CAMTA1: variants seen among roughly 807,000 people sequenced by gnomAD.
The protein encoded by CAMTA1 is calmodulin binding transcription activator 1.
In CAMTA1, 27 loss-of-function variants were observed where a neutral mutation model predicts 170.9. That is an observed-to-expected ratio of 0.16 (90% CI 0.12 to 0.22). The LOEUF (loss-of-function observed/expected upper bound fraction) is 0.22. Ranked by LOEUF, CAMTA1 falls within the 10% of genes least tolerant of loss-of-function variation. The pLI, the probability that CAMTA1 is intolerant of heterozygous loss-of-function variation, is 1.00. For missense variants in CAMTA1, 1,619 were observed against 2,217.2 expected, an observed-to-expected ratio of 0.73 and a Z score of 5.42; for synonymous variants, 833 against 891.5, an observed-to-expected ratio of 0.93 and a Z score of 1.17.
intron 5 of CAMTA1, among the ~76,000 whole-genome samples, chr1:7,281,106 C>G (rs1038640360): frequency 6.6e-6 from 1 of 152,192 alleles, no homozygotes; most frequent in Non-Finnish European, 1.5e-5. Flanking sequence ...TTCACCCAAC[C>G]AGCCACTTTA....
intron 11 of CAMTA1, among the ~76,000 whole-genome samples, chr1:7,723,542 T>C (rs1293860205): frequency 6.6e-6 from 1 of 152,208 alleles, no homozygotes; most frequent in Admixed American, 6.5e-5. Flanking sequence ...CTCTTGTTGT[T>C]GGGACTGGAC....
intron 5 of CAMTA1, among the ~76,000 whole-genome samples, chr1:7,353,468 C>T (rs140825777): frequency 0.021 from 3,118 of 150,774 alleles, 105 homozygotes; most frequent in African/African-American, 0.071. Flanking sequence ...TCTTGTTGCC[C>T]AGGCTGGAGT....
chr1:7,172,912 C>G (rs1649958176), intron 4 of CAMTA1, among the ~76,000 whole-genome samples: 2 of 152,320 alleles, frequency 1.3e-5, no homozygotes, highest in South Asian at 4.1e-4. Context: ...TTGGGAGCAG[C>G]CAAGTGTTTA....
intron 4 of CAMTA1, among the ~76,000 whole-genome samples, chr1:7,246,606 G>A (rs559345046): frequency 3.4e-5 from 5 of 149,152 alleles, no homozygotes; most frequent in Admixed American, 1.3e-4. Context: ...CCTGTCATTC[G>A]TCCCAGAGCA....
chr1:7,181,465 A>G (rs1422671806), intron 4 of CAMTA1, among the ~76,000 whole-genome samples: 1 of 152,228 alleles, frequency 6.6e-6, no homozygotes, highest in African/African-American at 2.4e-5. Flanking sequence ...TGCACATGAT[A>G]TGATAGTATA....
At chr1:7,706,178 CTT>C (rs774086611) in intron 11 of CAMTA1, among the ~76,000 whole-genome samples, 1 of 152,226 alleles carries the variant, frequency 6.6e-6, no homozygotes, top group African/African-American at 2.4e-5. Context: ...ATTTTGCCCA[CTT>C]TTACTTGATA....
chr1:6,819,776 C>T (rs189874390), intron 1 of CAMTA1, among the ~76,000 whole-genome samples: 1 of 152,118 alleles, frequency 6.6e-6, no homozygotes, highest in Non-Finnish European at 1.5e-5. Context: ...CATGTACTTC[C>T]TACAAACAAG....
chr1:7,454,258 C>G (rs924398855), intron 5 of CAMTA1, among the ~76,000 whole-genome samples: 4 of 152,072 alleles, frequency 2.6e-5, no homozygotes, highest in Non-Finnish European at 4.4e-5. Context: ...CACTAGGTGG[C>G]CGCCTGAGCC....
Position 7,249,046 on chromosome 1 carries a change from G to A in CAMTA1, c.303-445G>A, listed in dbSNP as rs1375992862. On this transcript the variant is annotated intron_variant, in intron 4 of 22. Transcript: ENST00000303635. This position sits in a 1 kb window ranked among gnomAD's most constrained non-coding sequence, Gnocchi z 4.4. Reference sequence around the variant, plus strand: ...TCTGTTCTTAACATAGTCATCTAGCGTCTGCGTTAAACTTATTTATTTCCT... The same window carrying A: ...TCTGTTCTTAACATAGTCATCTAGCATCTGCGTTAAACTTATTTATTTCCT... 6.6e-6 allele frequency among the ~76,000 whole-genome samples: 1 copy of A among 152,160 alleles called. No homozygotes were observed. Among genetic ancestry groups the A allele is most frequent in the Non-Finnish European group, 1.5e-5 (1 of 68,034 alleles).
rs1027500457 is a variant in CAMTA1, at chr1:7,338,410, G to A, written c.438+88784G>A. On this transcript the variant is annotated intron_variant, in intron 5 of 22. Transcript: ENST00000303635. Reference sequence around the variant, plus strand: ...GGAGGGTTTGGAGCCGTCTGCCTTTGAGTACAGACTGTGCACCAGGAGCAT... The same window carrying A: ...GGAGGGTTTGGAGCCGTCTGCCTTTAAGTACAGACTGTGCACCAGGAGCAT... 3.3e-5 allele frequency among the ~76,000 whole-genome samples: 5 copies of A among 152,226 alleles called. No individual in the cohort carries two copies. In the South Asian group the frequency reaches 1.0e-3, roughly 32 times the overall value.
intron 1 of CAMTA1, among the ~76,000 whole-genome samples, chr1:6,794,880 C>CTTTTTTTTT (rs1305335139): frequency 1.4e-3 from 196 of 141,754 alleles, no homozygotes; most frequent in East Asian, 4.3e-3. Flanking sequence ...TAGATAAAGG[C>CTTTTTTTTT]TTTTTTTTTG....
intron 7 of CAMTA1, among the ~76,000 whole-genome samples, chr1:7,644,394 C>G (rs1041176054): frequency 6.6e-6 from 1 of 152,210 alleles, no homozygotes; most frequent in Non-Finnish European, 1.5e-5. Flanking sequence ...TTTGGAATCC[C>G]TTCTGTAATC....
chr1:7,292,010 A>G (rs1263500895), intron 5 of CAMTA1, among the ~76,000 whole-genome samples: 4 of 152,198 alleles, frequency 2.6e-5, no homozygotes, highest in African/African-American at 9.6e-5. Context: ...CTGGGTGCAA[A>G]CATACTCTGA....
chr1:7,005,938 G>A (rs1395103172), intron 3 of CAMTA1, among the ~76,000 whole-genome samples: 1 of 152,248 alleles, frequency 6.6e-6, no homozygotes, highest in Non-Finnish European at 1.5e-5. Flanking sequence ...CCCCAGATCT[G>A]GCTGTACGGA....
chr1:7,640,881 G>A lies in CAMTA1; in HGVS notation c.664+328G>A, dbSNP rs556243212. ...GGGGCCACAGACAGGAGTGGAGGCCGGCTGGGGAGGGAAAGTATGGAACAG... is the reference window on the plus strand; with the variant it reads ...GGGGCCACAGACAGGAGTGGAGGCCAGCTGGGGAGGGAAAGTATGGAACAG... On this transcript the variant is annotated intron_variant, in intron 7 of 22. Transcript: ENST00000303635. Among the ~76,000 whole-genome samples, 21 of 152,276 alleles carry A rather than the reference G, an allele frequency of 1.4e-4. No homozygotes were observed. The South Asian group carries it at 2.7e-3, about 20-fold the overall frequency.
At chr1:6,906,298 C>T (rs1335377640) in intron 3 of CAMTA1, among the ~76,000 whole-genome samples, 1 of 152,194 alleles carries the variant, frequency 6.6e-6, no homozygotes, top group Non-Finnish European at 1.5e-5. Flanking sequence ...GTATAAAGGA[C>T]TGTCTTCCCA....
At chr1:7,194,003 C>T (rs1195485933) in intron 4 of CAMTA1, among the ~76,000 whole-genome samples, 4 of 152,174 alleles carry the variant, frequency 2.6e-5, no homozygotes, top group East Asian at 1.9e-4. Context: ...CATCATATCT[C>T]ACTGATACGT....
intron 3 of CAMTA1, among the ~76,000 whole-genome samples, chr1:6,954,229 G>A (rs546368093): frequency 6.6e-6 from 1 of 152,340 alleles, no homozygotes; most frequent in East Asian, 1.9e-4. Flanking sequence ...AGCAGGCCAT[G>A]GTTAAGGCTC....
intron 4 of CAMTA1, among the ~76,000 whole-genome samples, chr1:7,166,872 G>A (rs926830153): frequency 6.6e-6 from 1 of 151,288 alleles, no homozygotes; most frequent in African/African-American, 2.4e-5. Flanking sequence ...GCGCAGTGGT[G>A]CAATCTTGGC....
Sources: gnomAD v4.1 joint callset for allele counts (sites outside exome capture counted in the v4.1 genomes callset) on GRCh38, gnomAD v4.1.1 for gene constraint, Gnocchi (gnomAD v3.1) non-coding constraint, MANE v1.5 for transcripts, NCBI Gene and HGNC (gene_info 2026-07-23, HGNC 2026-07-21) for gene names.